DDX18: variants seen among roughly 807,000 people sequenced by gnomAD.
DDX18 encodes DEAD-box helicase 18.
A neutral mutation model predicts 73.5 loss-of-function variants in DDX18; 23 were observed. That is an observed-to-expected ratio of 0.31 (90% CI 0.23 to 0.44). DDX18 has a LOEUF of 0.44. Ranked by LOEUF, DDX18 falls within the 20% of genes least tolerant of loss-of-function variation. The pLI is 1.00. For missense variants in DDX18, 753 were observed against 792.9 expected, an observed-to-expected ratio of 0.95 and a Z score of 0.60; for synonymous variants, 268 against 282.7, an observed-to-expected ratio of 0.95 and a Z score of 0.52.
intron 3 of DDX18, 105 bp from the exon 4 acceptor site, chr2:117,821,053 TTTC>T (rs1679838871): frequency 9.8e-6 from 11 of 1,127,784 alleles, no homozygotes; most frequent in Non-Finnish European, 1.3e-5. Context: ...GGTTTAGCCT[TTTC>T]TTACTGCGGG....
chr2:117,814,735 G>T lies in DDX18; in HGVS notation c.-43G>T. On this transcript the variant is annotated 5_prime_UTR_variant, in exon 1 of 14. Coordinates refer to ENST00000263239, the MANE Select transcript of DDX18 (RefSeq NM_006773.4). The stretch of plus-strand genomic sequence containing the variant: ...GTAACGTCAGCCTGAGAACTGAGTA[G>T]CTGTACTGTGTGGCGCCTTATTCTA... 6.2e-7 allele frequency: 1 copy of T among 1,601,634 alleles called. No individual in the cohort carries two copies. Among genetic ancestry groups the T allele is most frequent in the Non-Finnish European group, 8.6e-7 (1 of 1,168,820 alleles).
chr2:117,825,177 G>A (rs1383662307), intron 9 of DDX18, 76 bp downstream of exon 9: 2 of 1,507,946 alleles, frequency 1.3e-6, no homozygotes, highest in Non-Finnish European at 1.8e-6. Context: ...TGGAGGTATT[G>A]CCCTCTCCTG....
Position 117,830,734 on chromosome 2 carries a change from T to C in DDX18, c.*10T>C. The C allele has an allele frequency of 1.2e-6, 2 of 1,609,266 alleles. No individual in the cohort carries two copies. The highest frequency in any genetic ancestry group is 1.7e-6 in the Non-Finnish European group (2 of 1,178,786). On this transcript the variant is annotated 3_prime_UTR_variant, in exon 14 of 14. Coordinates refer to ENST00000263239, the MANE Select transcript of DDX18 (RefSeq NM_006773.4). ...GCAGTTCTCTCACTGAACACATGCC[T>C]TCCTTTCATCTTGAATAACTTTGTC...
At chr2:117,819,819 TA>T in intron 3 of DDX18, 27 bp downstream of exon 3, 1 of 1,532,044 alleles carries the variant, frequency 6.5e-7, no homozygotes, top group Non-Finnish European at 8.7e-7. Flanking sequence ...TTTCTAGAGG[TA>T]ACTTCTTTAA....
At chr2:117,826,713 TCCTCTTA>T (rs1679933439) in intron 11 of DDX18, 1 of 274,014 alleles carries the variant, frequency 3.6e-6, no homozygotes, top group Non-Finnish European at 7.1e-6. Context: ...TCCCCTTCTT[TCCTCTTA>T]CCTCATGTGA....
In DDX18 at chr2:117,824,623, T is replaced by C; in HGVS notation, c.1121T>C (p.Leu374Pro). 2 of 1,503,978 alleles carry C rather than the reference T, an allele frequency of 1.3e-6. No homozygotes were observed. Among genetic ancestry groups the C allele is most frequent in the Non-Finnish European group, 1.8e-6 (2 of 1,129,600 alleles). 93.2% of individuals were successfully genotyped at this position (1,503,978 alleles called of 1,614,324 possible). ...ACCCAAACTCGAAAAGTTGAAGACC[T>C]GGCAAGGATTTCTCTGAAAAAGGAG... is the stretch of plus-strand genomic sequence containing the variant. The part of the protein sequence containing the change: ...SATQTRKVED[L>P]ARISLKKEPL... The change falls in exon 8 of 14, where the codon CTG becomes CCG. Residue 374 changes from leucine (L) to proline (P), a missense_variant. Coordinates refer to ENST00000263239, the MANE Select transcript of DDX18 (RefSeq NM_006773.4).
At position 117,830,583 on chromosome 2, in the gene DDX18, C is replaced by T. The variant is rs139180096; in HGVS notation, c.1872C>T (p.Asn624=). The T allele has an allele frequency of 4.8e-5, 77 of 1,612,726 alleles. No homozygotes were observed. The highest frequency in any genetic ancestry group is 1.6e-4 in the Middle Eastern group (1 of 6,066). The change falls in exon 14 of 14, where the codon AAC becomes AAT. Residue 624 remains asparagine (N), a splice_region_variant and synonymous_variant. Coordinates refer to ENST00000263239, the MANE Select transcript of DDX18 (RefSeq NM_006773.4). ...GATTTCCTTAATGTTTGCCTCCAGACGTCAACAGTAATGAAGGCAAGCAGA... is the reference window on the plus strand; with the variant it reads ...GATTTCCTTAATGTTTGCCTCCAGATGTCAACAGTAATGAAGGCAAGCAGA... ...GFKVPPFVDL[N]VNSNEGKQKK...
At chr2:117,814,901 G>T (rs1477163721) in intron 1 of DDX18, 39 bp downstream of exon 1, 4 of 1,609,930 alleles carry the variant, frequency 2.5e-6, no homozygotes, top group Non-Finnish European at 3.4e-6. Context: ...GAAGACCCAC[G>T]CGCGAGCCCT....
chr2:117,819,083 C>T (rs1345295721), intron 2 of DDX18, among the ~76,000 whole-genome samples: 1 of 152,072 alleles, frequency 6.6e-6, no homozygotes, highest in Non-Finnish European at 1.5e-5. Context: ...GACCCAGAGT[C>T]GAACATTGAA....
chr2:117,828,845 C>T (rs1573414199), intron 11 of DDX18, 104 bp from the exon 12 acceptor site: 1 of 796,992 alleles, frequency 1.3e-6, no homozygotes, highest in Non-Finnish European at 2.1e-6. Flanking sequence ...TCCTTTCTGT[C>T]CTGAGGGAAT....
intron 7 of DDX18, among the ~76,000 whole-genome samples, chr2:117,823,877 GT>G (rs1029040891): frequency 2.0e-5 from 3 of 151,810 alleles, no homozygotes; most frequent in Admixed American, 1.3e-4. Context: ...ATGGTCAAAT[GT>G]TTTTTTTCTG....
rs777336848 is a variant in DDX18, at chr2:117,817,570, G to A, written c.212G>A (p.Gly71Glu). Reference protein sequence around the residue: ...MNVGLSETQNGGMSQEAVGNI... With the variant: ...MNVGLSETQNEGMSQEAVGNI... ...GTGGGCTTATCAGAAACTCAAAATG[G>A]AGGCATGTCTCAAGAAGCAGTGGGA... The change falls in exon 2 of 14, where the codon GGA becomes GAA. Residue 71 changes from glycine to glutamate, a missense_variant. Physicochemically the swap from Gly to Glu is moderately conservative, Grantham distance 98 (BLOSUM62 -2). Transcript: ENST00000263239. 6.2e-7 allele frequency: 1 copy of A among 1,613,930 alleles called. No homozygotes were observed. The highest frequency in any genetic ancestry group is 1.1e-5 in the South Asian group (1 of 91,058).
rs1821332 is a variant in DDX18 at position 117,819,798 on chromosome 2, G to A, written c.514+6G>A. 1,029 of 1,557,952 alleles carry A rather than the reference G, an allele frequency of 6.6e-4. 8 individuals carry two copies. The African/African-American group carries it at 0.013, about 19-fold the overall frequency. On this transcript the variant is annotated splice_donor_region_variant and intron_variant, in intron 3 of 13. Transcript: ENST00000263239. ...TCTGCCCCTGGGACTGACAGGTAAC[G>A]TCCAGGAAGTTTTCTAGAGGTAACT...
At chr2:117,814,927 C>T in intron 1 of DDX18, 65 bp downstream of exon 1, 3 of 1,550,262 alleles carry the variant, frequency 1.9e-6, no homozygotes, top group Non-Finnish European at 2.7e-6. Flanking sequence ...GTTCGGGCGG[C>T]CGGGGGCCCA....
Position 117,824,932 on chromosome 2 carries a change from C to T in DDX18, c.1207-8C>T, listed in dbSNP as rs1679900316. On this transcript the variant is annotated splice_polypyrimidine_tract_variant and splice_region_variant and intron_variant, in intron 8 of 13. Coordinates refer to ENST00000263239, the MANE Select transcript of DDX18 (RefSeq NM_006773.4). ...TCATTTGTATCTGTCTGCTTAAACG[C>T]TTTCTAGGGATATGTTGTTTGTCCT... 1.3e-6 allele frequency: 2 copies of T among 1,599,924 alleles called. No homozygotes were observed. The highest frequency in any genetic ancestry group is 1.7e-6 in the Non-Finnish European group (2 of 1,175,794).
chr2:117,825,879 C>T (rs1679917737), intron 10 of DDX18: 1 of 418,244 alleles, frequency 2.4e-6, no homozygotes, highest in Non-Finnish European at 4.2e-6. Flanking sequence ...AATAAAATTG[C>T]TTAAGGAAGT....
intron 3 of DDX18, among the ~76,000 whole-genome samples, chr2:117,820,322 C>T (rs1229018064): frequency 1.3e-5 from 2 of 152,172 alleles, no homozygotes; most frequent in African/African-American, 4.8e-5. Flanking sequence ...CAGGGAAATT[C>T]GCCCCCCGAG....
chr2:117,825,177 G>T, intron 9 of DDX18, 76 bp downstream of exon 9: 1 of 1,507,948 alleles, frequency 6.6e-7, no homozygotes, highest in East Asian at 2.3e-5. Context: ...TGGAGGTATT[G>T]CCCTCTCCTG....
chr2:117,817,453 A>G lies in DDX18; in HGVS notation c.95A>G (p.Asn32Ser), dbSNP rs1417732613. ...CTGTTTATTTAAACAGGGGCCTCAAATCTGACCCTATCGGAAACTCAAAAT... is the reference window on the plus strand; with the variant it reads ...CTGTTTATTTAAACAGGGGCCTCAAGTCTGACCCTATCGGAAACTCAAAAT... ...QRNLKFQGAS[N>S]LTLSETQNGD... Residue 32 changes from asparagine (N) to serine (S), a missense_variant, in exon 2 of 14, where the codon AAT (asparagine) becomes AGT (serine). Physicochemically the swap from Asn to Ser is conservative, Grantham distance 46. This residue lies in a region of DDX18 where 345 missense variants were observed against 352.0 expected (regional missense o/e 0.98). Coordinates refer to ENST00000263239, the MANE Select transcript of DDX18 (RefSeq NM_006773.4). 1 of 1,607,752 alleles carries G rather than the reference A, an allele frequency of 6.2e-7. No homozygotes were observed. Among genetic ancestry groups the G allele is most frequent in the Admixed American group, 1.7e-5 (1 of 58,824 alleles).
Sources: allele counts gnomAD v4.1 joint callset (sites outside exome capture counted in the v4.1 genomes callset), GRCh38; gene constraint gnomAD v4.1.1; regional missense constraint gnomAD v4.1.1; transcripts MANE v1.5; gene names NCBI Gene and HGNC (gene_info 2026-07-23, HGNC 2026-07-21).